ARHGAP17: variants seen among roughly 807,000 people sequenced by gnomAD.
ARHGAP17 encodes the protein Rho GTPase activating protein 17.
ARHGAP17 carries 57 observed loss-of-function variants against 99.5 expected under a neutral mutation model. That is an observed-to-expected ratio of 0.57 (90% CI 0.46 to 0.71). The LOEUF (loss-of-function observed/expected upper bound fraction) is 0.71, where lower values mean the gene tolerates loss of function less well. Ranked by LOEUF, ARHGAP17 falls within the 30% of genes least tolerant of loss-of-function variation. ARHGAP17 has a pLI of 0.00. For synonymous variants in ARHGAP17, 417 were observed against 429.6 expected, an observed-to-expected ratio of 0.97 and a Z score of 0.36; for missense variants, 1,000 against 1,122.4, an observed-to-expected ratio of 0.89 and a Z score of 1.56.
intron 1 of ARHGAP17, among the ~76,000 whole-genome samples, chr16:25,004,708 T>C (rs1470267709): frequency 2.6e-5 from 4 of 152,102 alleles, no homozygotes; most frequent in African/African-American, 9.7e-5. Flanking sequence ...GAAATGCTAA[T>C]GAAACATTAA....
At chr16:24,987,427 TC>T (rs2052904937) in intron 1 of ARHGAP17, among the ~76,000 whole-genome samples, 1 of 152,214 alleles carries the variant, frequency 6.6e-6, no homozygotes. Context: ...GAAACTTCAA[TC>T]CTTTTTAATC....
At position 24,947,524 on chromosome 16, in the gene ARHGAP17, G is replaced by A; in HGVS notation, c.1199C>T (p.Ala400Val). The A allele has an allele frequency of 2.5e-6, 4 of 1,613,678 alleles. No homozygotes were observed. The highest frequency in any genetic ancestry group is 3.4e-6 in the Non-Finnish European group (4 of 1,179,998). The part of the protein sequence containing the change: ...DVNKMTPSNI[A>V]IVLGPNLLWA... ...TAACAAGTTAGGGCCTAACACAATC[G>A]CAATGTTGCTGGGAGTCATTTTATT... is the stretch of plus-strand genomic sequence containing the variant. The change falls in exon 14 of 20, where the codon GCG becomes GTG. Residue 400 changes from alanine to valine, a missense_variant. Physicochemically the swap from Ala to Val is moderately conservative, Grantham distance 64. Coordinates refer to ENST00000289968, the MANE Select transcript of ARHGAP17 (RefSeq NM_001006634.3).
intron 16 of ARHGAP17, 152 bp downstream of exon 16, chr16:24,941,835 A>G (rs1473250069): frequency 1.0e-6 from 1 of 992,342 alleles, no homozygotes; most frequent in East Asian, 2.4e-5. Context: ...GCTTGGAATG[A>G]CCTACAGCAG....
intron 1 of ARHGAP17, among the ~76,000 whole-genome samples, chr16:24,984,129 T>C (rs950812309): frequency 5.3e-5 from 8 of 152,186 alleles, no homozygotes; most frequent in African/African-American, 1.9e-4. Flanking sequence ...GGTCTGATAT[T>C]TTCCATCTCT....
At chr16:24,968,525 T>G (rs762949784) in intron 5 of ARHGAP17, 98 bp from the exon 6 acceptor site, 1 of 1,532,148 alleles carries the variant, frequency 6.5e-7, no homozygotes, top group Non-Finnish European at 9.0e-7. Flanking sequence ...GCAAAGGATT[T>G]TGTACCTTCA....
At chr16:24,927,143 C>T (rs1030380924) in intron 19 of ARHGAP17, among the ~76,000 whole-genome samples, 6 of 152,236 alleles carry the variant, frequency 3.9e-5, no homozygotes, top group Middle Eastern at 3.4e-3. Flanking sequence ...TGGTGGCAGG[C>T]GCCTATAATC....
At chr16:24,922,929 G>A (rs1252885053) in intron 19 of ARHGAP17, among the ~76,000 whole-genome samples, 2 of 151,862 alleles carry the variant, frequency 1.3e-5, no homozygotes, top group African/African-American at 2.4e-5. Flanking sequence ...CTCCCACCTC[G>A]GCTCCCCAAA....
Position 24,955,863 on chromosome 16 carries a change from A to C in ARHGAP17, c.725-1133T>G, listed in dbSNP as rs1331948674. On this transcript the variant is annotated intron_variant, in intron 9 of 19. Transcript: ENST00000289968. This position sits in a 1 kb window ranked among gnomAD's most constrained non-coding sequence, Gnocchi z 4.0. Reference sequence around the variant, plus strand: ...CTTGTGGAAAGGTAAAAATGGATGGAAAGAGCAAGAGGTAAAGACTGAAGA... The same window carrying C: ...CTTGTGGAAAGGTAAAAATGGATGGCAAGAGCAAGAGGTAAAGACTGAAGA... 1 of 152,238 alleles carries C rather than the reference A, an allele frequency of 6.6e-6. No individual in the cohort carries two copies. The allele number at this position is 152,238 out of a possible 1,614,324, so 9.4% of individuals were successfully genotyped here. A position where few individuals can be genotyped will look rare whatever the true frequency, so the allele number is the denominator to read the frequency against.
chr16:24,925,098 G>A lies in ARHGAP17; in HGVS notation c.2516-4838C>T, dbSNP rs571526373. On this transcript the variant is annotated intron_variant, in intron 19 of 19. Transcript: ENST00000289968. ...TGTTAGGGTGATTAAGAATGATGGG[G>A]CCAGGTGCGGTGGCTCATGCCTGTA... 1.3e-4 allele frequency among the ~76,000 whole-genome samples: 20 copies of A among 152,258 alleles called. No individual in the cohort carries two copies. The East Asian group carries it at 3.7e-3, about 28-fold the overall frequency.
At chr16:24,938,288 C>A (rs186079237) in intron 17 of ARHGAP17, among the ~76,000 whole-genome samples, 5 of 151,868 alleles carry the variant, frequency 3.3e-5, no homozygotes, top group Non-Finnish European at 7.4e-5. Flanking sequence ...CACTTGAACC[C>A]GGGAGACGGA....
At chr16:24,971,330 C>CTTT (rs5816272) in intron 3 of ARHGAP17, among the ~76,000 whole-genome samples, 2 of 134,304 alleles carry the variant, frequency 1.5e-5, no homozygotes, top group East Asian at 2.2e-4. Context: ...CTTAAATTGG[C>CTTT]TTTTTTTTTT....
intron 6 of ARHGAP17, among the ~76,000 whole-genome samples, chr16:24,967,778 C>CAAAAAA (rs940394750): frequency 1.3e-3 from 79 of 59,090 alleles, no homozygotes; most frequent in Non-Finnish European, 2.4e-3. Flanking sequence ...GACCTTGACT[C>CAAAAAA]AAAAAAAAAA....
At position 24,964,222 on chromosome 16, in the gene ARHGAP17, G is replaced by C; in HGVS notation, c.548C>G (p.Ala183Gly). 6.2e-7 allele frequency: 1 copy of C among 1,612,854 alleles called. No homozygotes were observed. The highest frequency in any genetic ancestry group is 8.5e-7 in the Non-Finnish European group (1 of 1,179,358). ...CTTGCACTGTTCTACTTTATTTCCA[G>C]CTTCATCCATCTCTTCCTTTAGAGT... ...IDTLKEEMDE[A>G]GNKVEQCKDQ... The change falls in exon 7 of 20, where the codon GCT becomes GGT. Residue 183 changes from alanine to glycine, a missense_variant. Physicochemically the swap from Ala to Gly is moderately conservative, Grantham distance 60. Coordinates refer to ENST00000289968, the MANE Select transcript of ARHGAP17 (RefSeq NM_001006634.3).
At chr16:24,982,988 ATATATATATTTTTTT>A (rs1224965143) in intron 1 of ARHGAP17, among the ~76,000 whole-genome samples, 2 of 31,892 alleles carry the variant, frequency 6.3e-5, no homozygotes, top group African/African-American at 1.4e-4. Flanking sequence ...ATATATATAT[ATATATATATTTTTTT>A]TTTTTTTTTT....
In ARHGAP17 at chr16:24,978,864, G is replaced by C. The variant is rs1196630115; in HGVS notation, c.93+102C>G. ...ACTAATTAATTTTATTCTGTTTCTGGTTAAAAAAAAAAAAAAAAAAAGCCC... is the reference window on the plus strand; with the variant it reads ...ACTAATTAATTTTATTCTGTTTCTGCTTAAAAAAAAAAAAAAAAAAAGCCC... On this transcript the variant is annotated intron_variant, in intron 2 of 19. Coordinates refer to ENST00000289968, the MANE Select transcript of ARHGAP17 (RefSeq NM_001006634.3). The C allele has an allele frequency of 5.6e-6, 4 of 719,034 alleles. No homozygotes were observed. In the African/African-American group the frequency reaches 1.1e-4, roughly 19 times the overall value. The allele number at this position is 719,034 out of a possible 1,614,324, so 44.5% of individuals were successfully genotyped here. A position where few individuals can be genotyped will look rare whatever the true frequency, so the allele number is the denominator to read the frequency against.
At chr16:24,942,684 C>T (rs2051349877) in intron 15 of ARHGAP17, among the ~76,000 whole-genome samples, 1 of 150,590 alleles carries the variant, frequency 6.6e-6, no homozygotes, top group Admixed American at 6.6e-5. Context: ...AGGAGAATCG[C>T]TTGAACCTGG....
chr16:24,973,266 G>C (rs1201235980), intron 3 of ARHGAP17, among the ~76,000 whole-genome samples: 1 of 152,194 alleles, frequency 6.6e-6, no homozygotes, highest in Non-Finnish European at 1.5e-5. Context: ...AATGGTGGCT[G>C]GGCTGCAAAG....
chr16:25,012,904 T>C (rs2141555064), intron 1 of ARHGAP17, among the ~76,000 whole-genome samples: 1 of 152,198 alleles, frequency 6.6e-6, no homozygotes, highest in African/African-American at 2.4e-5. Flanking sequence ...TGTTTTCCCA[T>C]ACTCGGGCCC....
At chr16:24,965,670 G>A (rs898725954) in intron 6 of ARHGAP17, among the ~76,000 whole-genome samples, 4 of 152,218 alleles carry the variant, frequency 2.6e-5, no homozygotes, top group African/African-American at 7.2e-5. Flanking sequence ...AGATTTCAGA[G>A]TCTGACATGT....
Sources: allele counts gnomAD v4.1 joint callset (sites outside exome capture counted in the v4.1 genomes callset), GRCh38; gene constraint gnomAD v4.1.1; non-coding constraint Gnocchi (gnomAD v3.1); transcripts MANE v1.5; gene names NCBI Gene and HGNC (gene_info 2026-07-23, HGNC 2026-07-21).